KIF26B: variants seen among roughly 807,000 people sequenced by gnomAD.
The protein encoded by KIF26B is kinesin family member 26B, also known as kinesin-like protein KIF26B.
A neutral mutation model predicts 151.2 loss-of-function variants in KIF26B; 63 were observed. That is an observed-to-expected ratio of 0.42 (90% confidence interval 0.34 to 0.51). KIF26B has a LOEUF of 0.51. KIF26B is among the 20% of genes least tolerant of loss of function. KIF26B has a pLI of 0.07. For synonymous variants in KIF26B, 1,357 were observed against 1,262.1 expected (o/e 1.08, Z -1.59); for missense variants, 2,813 against 2,913.6 (o/e 0.97, Z 0.79).
At chr1:245,260,273 C>T (rs1369779799) in intron 2 of KIF26B, among the ~76,000 whole-genome samples, 1 of 152,172 alleles carries the variant, frequency 6.6e-6, no homozygotes, top group African/African-American at 2.4e-5. Context: ...AAGTATGCAA[C>T]ATTCTTGGGC....
intron 9 of KIF26B, among the ~76,000 whole-genome samples, chr1:245,628,754 A>C (rs2043750200): frequency 6.6e-6 from 1 of 152,208 alleles, no homozygotes; most frequent in Non-Finnish European, 1.5e-5. Context: ...TGGCCAGGGC[A>C]ATCAGACAAG....
chr1:245,585,558 C>T (rs568343933), intron 5 of KIF26B, among the ~76,000 whole-genome samples: 6 of 152,092 alleles, frequency 3.9e-5, no homozygotes, highest in Non-Finnish European at 7.3e-5. Context: ...GTTTCTCTGT[C>T]AGGCAGCTCC....
chr1:245,156,620 C>T lies in KIF26B; in HGVS notation c.402C>T (p.Ala134=). ...DRGVWCENCN[A]RLVELKRQAL... ...GCGTCTGGTGCGAGAACTGCAACGC[C>T]CGCCTGGTGGAGCTCAAGAGGCAGG... is the stretch of plus-strand genomic sequence containing the variant. Residue 134 remains alanine, a synonymous_variant, in exon 2 of 15, where the codon GCC becomes GCT. Transcript: ENST00000407071. 1.3e-6 allele frequency: 2 copies of T among 1,524,936 alleles called. No individual in the cohort carries two copies. Among genetic ancestry groups the T allele is most frequent in the South Asian group, 1.2e-5 (1 of 83,374 alleles). 94.5% of individuals were successfully genotyped at this position (1,524,936 alleles called of 1,614,324 possible).
chr1:245,413,532 G>A (rs113692485), intron 3 of KIF26B, among the ~76,000 whole-genome samples: 3,637 of 152,154 alleles, frequency 0.024, 151 homozygotes, highest in African/African-American at 0.083. Context: ...GCATGGTGGC[G>A]TCCACCTGTA....
chr1:245,169,266 T>C (rs1668664938), intron 2 of KIF26B, among the ~76,000 whole-genome samples: 1 of 151,898 alleles, frequency 6.6e-6, no homozygotes, highest in Non-Finnish European at 1.5e-5. Context: ...TTCTACCCTT[T>C]ATTTCTCCTC....
chr1:245,444,064 C>T (rs76996837), intron 4 of KIF26B, among the ~76,000 whole-genome samples: 16 of 132,620 alleles, frequency 1.2e-4, no homozygotes, highest in East Asian at 4.8e-4. Context: ...GTTCACCCTG[C>T]GGTCATCTCC....
At chr1:245,183,919 T>C (rs1668949002) in intron 2 of KIF26B, among the ~76,000 whole-genome samples, 1 of 152,036 alleles carries the variant, frequency 6.6e-6, no homozygotes, top group African/African-American at 2.4e-5. Context: ...ATGGAGTTTT[T>C]TGTTGGGGTA....
At chr1:245,296,053 C>T (rs921080102) in intron 2 of KIF26B, among the ~76,000 whole-genome samples, 1 of 152,152 alleles carries the variant, frequency 6.6e-6, no homozygotes, top group Admixed American at 6.5e-5. Context: ...ATTAGATGTT[C>T]AGAGTCTGGT....
chr1:245,684,447 G>A lies in KIF26B; in HGVS notation c.2421+52G>A, dbSNP rs373054932. On this transcript the variant is annotated intron_variant, in intron 11 of 14. Transcript: ENST00000407071. ...GGTGGATGAGGGAGCCTTTGGAGCC[G>A]TGCCCTGGAACAGAGTCAGAAAAAG... 328 of 1,509,962 alleles carry A rather than the reference G, an allele frequency of 2.2e-4. 1 individual carries two copies. In the African/African-American group the frequency reaches 3.5e-3, roughly 16 times the overall value. 93.5% of individuals were successfully genotyped at this position (1,509,962 alleles called of 1,614,324 possible). A position where few individuals can be genotyped will look rare whatever the true frequency, so the allele number is the denominator to read the frequency against.
intron 4 of KIF26B, among the ~76,000 whole-genome samples, chr1:245,485,580 C>T (rs1332606156): frequency 3.3e-5 from 5 of 151,806 alleles, no homozygotes; most frequent in Non-Finnish European, 7.4e-5. Flanking sequence ...GACGGGGTTT[C>T]GCCATGTTGG....
chr1:245,679,898 C>T (rs1313234906), intron 10 of KIF26B, among the ~76,000 whole-genome samples: 3 of 152,276 alleles, frequency 2.0e-5, no homozygotes, highest in East Asian at 3.9e-4. Flanking sequence ...CATCCCCAGT[C>T]CCTTCCTGTG....
chr1:245,652,605 C>T (rs2103191523), intron 10 of KIF26B, among the ~76,000 whole-genome samples: 1 of 152,264 alleles, frequency 6.6e-6, no homozygotes, highest in Admixed American at 6.5e-5. Flanking sequence ...TTCTGCCAGG[C>T]TCATTATAGA....
At chr1:245,531,880 C>T (rs918764490) in intron 4 of KIF26B, among the ~76,000 whole-genome samples, 7 of 152,118 alleles carry the variant, frequency 4.6e-5, no homozygotes, top group African/African-American at 1.7e-4. Context: ...GAGGATCACT[C>T]GAGGCGAGGA....
At chr1:245,266,341 G>T (rs1465706130) in intron 2 of KIF26B, among the ~76,000 whole-genome samples, 1 of 152,094 alleles carries the variant, frequency 6.6e-6, no homozygotes, top group East Asian at 1.9e-4. Context: ...TACACAGCTG[G>T]CAGGACTGTA....
intron 4 of KIF26B, among the ~76,000 whole-genome samples, chr1:245,520,541 C>G (rs1293412824): frequency 6.7e-6 from 1 of 149,660 alleles, no homozygotes; most frequent in African/African-American, 2.5e-5. Flanking sequence ...TCCATCCATC[C>G]ACCCATTCAT....
chr1:245,187,514 A>C (rs181526660), intron 2 of KIF26B, among the ~76,000 whole-genome samples: 5 of 152,338 alleles, frequency 3.3e-5, no homozygotes, highest in African/African-American at 1.2e-4. Context: ...AAGACCTTTG[A>C]CACTAGGCAT....
In KIF26B at chr1:245,419,685, G is replaced by A; in HGVS notation, c.1106G>A (p.Gly369Asp). The change falls in exon 4 of 15, where the codon GGC becomes GAC. Residue 369 changes from glycine (G) to aspartate (D), a missense_variant. Coordinates refer to ENST00000407071, the MANE Select transcript of KIF26B (RefSeq NM_018012.4). Reference sequence around the variant, plus strand: ...GCCTGCAGTGTCCCAGCCTCGCAGGGCTCCTGCGTGGCCAGCGAGACTTCC... The same window carrying A: ...GCCTGCAGTGTCCCAGCCTCGCAGGACTCCTGCGTGGCCAGCGAGACTTCC... ...PSACSVPASQ[G>D]SCVASETSTG... is the part of the protein sequence containing the mutation. 6.2e-7 allele frequency: 1 copy of A among 1,613,660 alleles called. No homozygotes were observed. Among genetic ancestry groups the A allele is most frequent in the East Asian group, 2.2e-5 (1 of 44,848 alleles).
Position 245,597,515 on chromosome 1 carries a change from G to A in KIF26B, c.1351-5062G>A, listed in dbSNP as rs1021452501. Among the ~76,000 whole-genome samples the A allele has an allele frequency of 6.6e-6, 1 of 152,132 alleles. No homozygotes were observed. Among genetic ancestry groups the A allele is most frequent in the African/African-American group, 2.4e-5 (1 of 41,428 alleles). ...ATCTGCTGTTAGTCTAGGGAAGATG[G>A]GCTTCCCTTTGTGGGTAACCTGACC... On this transcript the variant is annotated intron_variant, in intron 5 of 14. Coordinates refer to ENST00000407071, the MANE Select transcript of KIF26B (RefSeq NM_018012.4). This position sits in a 1 kb window ranked among gnomAD's most constrained non-coding sequence, Gnocchi z 4.6.
chr1:245,231,267 C>T (rs1385095081), intron 2 of KIF26B, among the ~76,000 whole-genome samples: 1 of 152,178 alleles, frequency 6.6e-6, no homozygotes, highest in Non-Finnish European at 1.5e-5. Context: ...ATAATCCCAG[C>T]ACTTTGGGAG....
Sources: allele counts gnomAD v4.1 joint callset (sites outside exome capture counted in the v4.1 genomes callset), GRCh38; gene constraint gnomAD v4.1.1; non-coding constraint Gnocchi (gnomAD v3.1); transcripts MANE v1.5; gene names NCBI Gene and HGNC (gene_info 2026-07-23, HGNC 2026-07-21).